NDST3: variants seen among roughly 807,000 people sequenced by gnomAD.
NDST3 encodes the protein N-deacetylase and N-sulfotransferase 3.
In NDST3, 58 loss-of-function variants were observed where a neutral mutation model predicts 96.1. The observed-to-expected ratio is 0.60, with a 90% CI of 0.49 to 0.75. NDST3 has a LOEUF of 0.75. Among genes scored for constraint, NDST3 ranks in the 30% least tolerant of loss-of-function variants. The probability of loss-of-function intolerance (pLI) is 0.00; values close to 1 mark genes in which losing one functional copy is unlikely to be tolerated. For missense variants in NDST3, 788 were observed against 1,034.2 expected (o/e 0.76, Z 3.27); for synonymous variants, 333 against 359.7 (o/e 0.93, Z 0.84).
chr4:118,169,917 G>T (rs1355616140), intron 6 of NDST3, among the ~76,000 whole-genome samples: 1 of 152,146 alleles, frequency 6.6e-6, no homozygotes, highest in African/African-American at 2.4e-5. Context: ...CTGTGAGCTG[G>T]TGGGCATCTC....
intron 4 of NDST3, among the ~76,000 whole-genome samples, chr4:118,123,668 T>G (rs1190709986): frequency 6.6e-6 from 1 of 152,170 alleles, no homozygotes; most frequent in African/African-American, 2.4e-5. Context: ...CTTTTGAGTA[T>G]TCTCACAAAA....
chr4:118,182,518 A>T (rs1736673609), intron 6 of NDST3, among the ~76,000 whole-genome samples: 1 of 152,142 alleles, frequency 6.6e-6, no homozygotes, highest in Middle Eastern at 3.2e-3. Flanking sequence ...ACAACAGGCA[A>T]ATGATACTGG....
chr4:118,233,534 T>C (rs997077133), intron 9 of NDST3, among the ~76,000 whole-genome samples: 9 of 152,168 alleles, frequency 5.9e-5, no homozygotes, highest in Non-Finnish European at 1.2e-4. Flanking sequence ...TTCTATTTTC[T>C]TTGTCACATA....
intron 2 of NDST3, among the ~76,000 whole-genome samples, chr4:118,102,242 A>G (rs1578640784): frequency 6.6e-6 from 1 of 152,072 alleles, no homozygotes; most frequent in East Asian, 1.9e-4. Flanking sequence ...ACTAAAAACA[A>G]AAGTCCCATT....
At chr4:118,074,034 A>C (rs984138349) in intron 2 of NDST3, among the ~76,000 whole-genome samples, 1 of 152,108 alleles carries the variant, frequency 6.6e-6, no homozygotes, top group African/African-American at 2.4e-5. Flanking sequence ...CATTGTTTAC[A>C]AGAAGTCATT....
At chr4:118,237,646 T>C (rs971371023) in intron 10 of NDST3, among the ~76,000 whole-genome samples, 2 of 152,182 alleles carry the variant, frequency 1.3e-5, no homozygotes, top group African/African-American at 2.4e-5. Context: ...AACTCTACCA[T>C]TGTATTTCGA....
chr4:118,078,577 C>T (rs1452998150), intron 2 of NDST3, among the ~76,000 whole-genome samples: 1 of 151,862 alleles, frequency 6.6e-6, no homozygotes, highest in African/African-American at 2.4e-5. Context: ...ATGGTGAAAC[C>T]CTGTCTCTAC....
In NDST3 at chr4:118,225,233, C is replaced by T. The variant is rs140528051; in HGVS notation, c.1722+560C>T. Among the ~76,000 whole-genome samples, 1,425 of 152,214 alleles carry T rather than the reference C, an allele frequency of 9.4e-3. 26 individuals are homozygous for T. Among genetic ancestry groups the T allele is most frequent in the Middle Eastern group, 0.082 (24 of 294 alleles). On this transcript the variant is annotated intron_variant, in intron 7 of 13. Transcript: ENST00000296499. ...TCTTAAGATAAATACCACATGAATA[C>T]AGCATATTCAGATGACTCTGGGGGT...
At chr4:118,174,712 G>GCACTGT (rs1736166285) in intron 6 of NDST3, among the ~76,000 whole-genome samples, 1 of 151,952 alleles carries the variant, frequency 6.6e-6, no homozygotes, top group East Asian at 2.0e-4. Flanking sequence ...AAAACATTTG[G>GCACTGT]CACTGTTTCA....
intron 4 of NDST3, among the ~76,000 whole-genome samples, chr4:118,117,373 T>C (rs1731212605): frequency 6.6e-6 from 1 of 152,088 alleles, no homozygotes; most frequent in African/African-American, 2.4e-5. Context: ...CCCAGGCTCC[T>C]GAGGTGTTTG....
intron 1 of NDST3, among the ~76,000 whole-genome samples, chr4:118,051,167 T>C (rs1194308372): frequency 6.6e-6 from 1 of 152,176 alleles, no homozygotes; most frequent in African/African-American, 2.4e-5. Flanking sequence ...TGGCTAGCCA[T>C]ATGCAGAAGA....
intron 6 of NDST3, among the ~76,000 whole-genome samples, chr4:118,204,112 G>A (rs1738277832): frequency 6.6e-6 from 1 of 152,070 alleles, no homozygotes; most frequent in African/African-American, 2.4e-5. Context: ...AACTCAGAAA[G>A]CTCAAAACAC....
intron 3 of NDST3, among the ~76,000 whole-genome samples, chr4:118,110,002 G>A (rs1321848069): frequency 6.6e-6 from 1 of 152,118 alleles, no homozygotes; most frequent in Admixed American, 6.5e-5. Context: ...CTTTTTCACT[G>A]AATCCTAGAA....
intron 12 of NDST3, among the ~76,000 whole-genome samples, chr4:118,252,414 C>G (rs554670172): frequency 6.6e-6 from 1 of 152,260 alleles, no homozygotes; most frequent in South Asian, 2.1e-4. Flanking sequence ...TCAACTAATA[C>G]TTGGCAAATG....
At chr4:118,217,980 C>A (rs1363760337) in intron 6 of NDST3, among the ~76,000 whole-genome samples, 2 of 151,998 alleles carry the variant, frequency 1.3e-5, no homozygotes, top group Non-Finnish European at 2.9e-5. Flanking sequence ...ATATACCCTC[C>A]CAAGACTAAA....
Position 118,066,201 on chromosome 4 carries a change from T to TATA in NDST3, c.981+11310_981+11311insATA, listed in dbSNP as rs1726366789. ...TATATTATATATCTTATATATTATA[T>TATA]TTTATATATTATACATAATATATTA... On this transcript the variant is annotated intron_variant, in intron 2 of 13. Coordinates refer to ENST00000296499, the MANE Select transcript of NDST3 (RefSeq NM_004784.3). Among the ~76,000 whole-genome samples the TATA allele has an allele frequency of 7.2e-5, 5 of 69,922 alleles. 2 individuals are homozygous for TATA. The highest frequency in any genetic ancestry group is 2.8e-4 in the African/African-American group (5 of 17,862). 45.9% of individuals were successfully genotyped at this position (69,922 alleles called of 152,430 possible).
chr4:118,073,608 T>C lies in NDST3; in HGVS notation c.981+18717T>C, dbSNP rs543298506. Among the ~76,000 whole-genome samples the C allele has an allele frequency of 5.3e-5, 8 of 152,196 alleles. No homozygotes were observed. In the South Asian group the frequency reaches 1.7e-3, roughly 32 times the overall value. On this transcript the variant is annotated intron_variant, in intron 2 of 13. Coordinates refer to ENST00000296499, the MANE Select transcript of NDST3 (RefSeq NM_004784.3). ...TCTGATTCTGCTTATTCGGATCTTC[T>C]CTCTTTTTCTCTTTATTTGTCTAGT...
intron 6 of NDST3, among the ~76,000 whole-genome samples, chr4:118,200,714 C>T (rs1315736801): frequency 6.6e-6 from 1 of 151,980 alleles, no homozygotes; most frequent in Non-Finnish European, 1.5e-5. Flanking sequence ...TACTGAAATA[C>T]TTTAGAAGCT....
chr4:118,145,970 G>A lies in NDST3; in HGVS notation c.1539+2286G>A, dbSNP rs145946280. ...ATCTGGATTCAGCCCACATCTAGCCGGAGGCCGGACTACTATAATTAGTTA... is the reference window on the plus strand; with the variant it reads ...ATCTGGATTCAGCCCACATCTAGCCAGAGGCCGGACTACTATAATTAGTTA... On this transcript the variant is annotated intron_variant, in intron 6 of 13. Coordinates refer to ENST00000296499, the MANE Select transcript of NDST3 (RefSeq NM_004784.3). Among the ~76,000 whole-genome samples the A allele has an allele frequency of 5.4e-3, 829 of 152,256 alleles. 5 individuals carry two copies. Among genetic ancestry groups the A allele is most frequent in the Non-Finnish European group, 7.3e-3 (498 of 68,022 alleles).
Sources: gnomAD v4.1 joint callset for allele counts (sites outside exome capture counted in the v4.1 genomes callset) on GRCh38, gnomAD v4.1.1 for gene constraint, MANE v1.5 for transcripts, NCBI Gene and HGNC (gene_info 2026-07-23, HGNC 2026-07-21) for gene names.